Variants in PDSS2 observed in about 807,000 individuals in gnomAD.
PDSS2 encodes the protein decaprenyl diphosphate synthase subunit 2, also known as all trans-polyprenyl-diphosphate synthase PDSS2.
A neutral mutation model predicts 44.5 loss-of-function variants in PDSS2; 31 were observed. The ratio of observed to expected loss-of-function variants is 0.70; its 90% confidence interval spans 0.52 to 0.94. The LOEUF (loss-of-function observed/expected upper bound fraction) is 0.94, where lower values mean the gene tolerates loss of function less well. PDSS2 is among the 40% of genes least tolerant of loss of function. PDSS2 has a pLI of 0.00. For synonymous variants in PDSS2, 157 were observed against 180.3 expected, an observed-to-expected ratio of 0.87 and a Z score of 1.03; for missense variants, 452 against 482.2, an observed-to-expected ratio of 0.94 and a Z score of 0.59.
chr6:107,351,388 C>G (rs1367990461), intron 1 of PDSS2, among the ~76,000 whole-genome samples: 2 of 152,134 alleles, frequency 1.3e-5, no homozygotes, highest in Non-Finnish European at 1.5e-5. Flanking sequence ...ATTTAAGGAT[C>G]AGGTGAATAT....
chr6:107,364,420 C>T (rs1387609302), intron 1 of PDSS2, among the ~76,000 whole-genome samples: 10 of 152,358 alleles, frequency 6.6e-5, no homozygotes, highest in Non-Finnish European at 1.0e-4. Flanking sequence ...GGCGAGAAAT[C>T]GAGCACAGCG....
intron 1 of PDSS2, among the ~76,000 whole-genome samples, chr6:107,426,508 T>C (rs1010522921): frequency 3.3e-5 from 5 of 152,178 alleles, no homozygotes; most frequent in African/African-American, 9.7e-5. Context: ...CACCGTTTAG[T>C]GGAGCTGTGA....
intron 7 of PDSS2, among the ~76,000 whole-genome samples, chr6:107,193,359 A>G (rs945436808): frequency 6.6e-6 from 1 of 152,182 alleles, no homozygotes; most frequent in Non-Finnish European, 1.5e-5. Context: ...CCTGCCTTTG[A>G]GAGCTCAAGT....
chr6:107,454,687 C>T lies in PDSS2; in HGVS notation c.296+4303G>A, dbSNP rs17068222. Among the ~76,000 whole-genome samples the T allele has an allele frequency of 8.9e-3, 1,349 of 151,392 alleles. 51 individuals are homozygous for T. The East Asian group carries it at 0.12, about 13-fold the overall frequency. On this transcript the variant is annotated intron_variant, in intron 1 of 7. Transcript: ENST00000369037. Reference sequence around the variant, plus strand: ...CTAACAAAGTCACCATTCACGTAAACTTTAGGGCTATTAGACATGATTCAC... The same window carrying T: ...CTAACAAAGTCACCATTCACGTAAATTTTAGGGCTATTAGACATGATTCAC...
intron 4 of PDSS2, among the ~76,000 whole-genome samples, chr6:107,228,897 T>C (rs943693960): frequency 7.2e-5 from 11 of 152,152 alleles, no homozygotes; most frequent in Non-Finnish European, 1.6e-4. Flanking sequence ...TCAAAGTCTT[T>C]ATTTGTGAGT....
At chr6:107,236,637 G>T (rs1774235312) in intron 4 of PDSS2, among the ~76,000 whole-genome samples, 1 of 152,134 alleles carries the variant, frequency 6.6e-6, no homozygotes, top group Non-Finnish European at 1.5e-5. Context: ...TTACTTCTAT[G>T]TGAAGGAAGC....
At chr6:107,296,593 G>A (rs781251336) in intron 2 of PDSS2, among the ~76,000 whole-genome samples, 1 of 152,116 alleles carries the variant, frequency 6.6e-6, no homozygotes, top group Non-Finnish European at 1.5e-5. Flanking sequence ...TGGGCGTGGT[G>A]GCAGGAGCCT....
chr6:107,172,997 A>T (rs1771638444), intron 7 of PDSS2, among the ~76,000 whole-genome samples: 1 of 151,612 alleles, frequency 6.6e-6, no homozygotes, highest in Non-Finnish European at 1.5e-5. Flanking sequence ...GGTGGCGTGC[A>T]CCTGTTGTCC....
rs60840656 is a variant in PDSS2, at chr6:107,155,877, CTTTTTTTTTTT to C, written c.1042-1111_1042-1101del. The stretch of plus-strand genomic sequence containing the variant: ...ACAGGCATGAGCCACCTTGCCCGGC[CTTTTTTTTTTT>C]TTTTTTTTTTTTTTTTTTTGAGACA... On this transcript the variant is annotated intron_variant, in intron 7 of 7. Coordinates refer to ENST00000369037, the MANE Select transcript of PDSS2 (RefSeq NM_020381.4). Among the ~76,000 whole-genome samples, 60 of 51,668 alleles carry C rather than the reference CTTTTTTTTTTT, an allele frequency of 1.2e-3. 1 individual carries two copies. Among genetic ancestry groups the C allele is most frequent in the African/African-American group, 4.0e-3 (51 of 12,756 alleles). The allele number at this position is 51,668 out of a possible 152,430, so 33.9% of individuals were successfully genotyped here. A position where few individuals can be genotyped will look rare whatever the true frequency, so the allele number is the denominator to read the frequency against.
intron 1 of PDSS2, among the ~76,000 whole-genome samples, chr6:107,443,691 C>T (rs1254046236): frequency 6.6e-6 from 1 of 152,170 alleles, no homozygotes; most frequent in Non-Finnish European, 1.5e-5. Context: ...TACAATTTTT[C>T]CTAGACTTTG....
chr6:107,308,703 G>A (rs569772631), intron 2 of PDSS2, among the ~76,000 whole-genome samples: 4 of 152,160 alleles, frequency 2.6e-5, no homozygotes, highest in Non-Finnish European at 5.9e-5. Flanking sequence ...CTGAATGCAA[G>A]GACGTTGCTG....
At chr6:107,403,760 A>G (rs1461584406) in intron 1 of PDSS2, among the ~76,000 whole-genome samples, 1 of 152,104 alleles carries the variant, frequency 6.6e-6, no homozygotes, top group East Asian at 1.9e-4. Flanking sequence ...GCAGGGCACC[A>G]TTTCCACCAA....
chr6:107,450,847 T>C (rs529793974), intron 1 of PDSS2, among the ~76,000 whole-genome samples: 59 of 152,326 alleles, frequency 3.9e-4, no homozygotes, highest in East Asian at 2.5e-3. Context: ...AACTGATTGA[T>C]TGAGACAGGG....
At chr6:107,424,203 G>A (rs778529324) in intron 1 of PDSS2, among the ~76,000 whole-genome samples, 74 of 151,462 alleles carry the variant, frequency 4.9e-4, no homozygotes, top group Admixed American at 9.2e-4. Context: ...TACCACATCC[G>A]GCTAATTTCT....
At chr6:107,301,044 G>A (rs1776677456) in intron 2 of PDSS2, among the ~76,000 whole-genome samples, 1 of 152,144 alleles carries the variant, frequency 6.6e-6, no homozygotes, top group Non-Finnish European at 1.5e-5. Context: ...TTTGAAATAA[G>A]CACTCATGGA....
chr6:107,240,091 T>G (rs1774368200), intron 4 of PDSS2, among the ~76,000 whole-genome samples: 1 of 152,108 alleles, frequency 6.6e-6, no homozygotes. Context: ...ACAGCTTAAC[T>G]GGGGAACTCT....
At chr6:107,217,562 A>C (rs78028252) in intron 4 of PDSS2, among the ~76,000 whole-genome samples, 8 of 151,862 alleles carry the variant, frequency 5.3e-5, no homozygotes, top group South Asian at 2.1e-4. Flanking sequence ...AAAAAAAAAA[A>C]CTCTCAGCTT....
intron 4 of PDSS2, among the ~76,000 whole-genome samples, chr6:107,232,153 A>T (rs1427959684): frequency 2.0e-5 from 3 of 152,162 alleles, no homozygotes; most frequent in Non-Finnish European, 4.4e-5. Context: ...CAGAGTAATA[A>T]CTAAAACAGA....
chr6:107,409,522 G>T (rs1780425460), intron 1 of PDSS2, among the ~76,000 whole-genome samples: 1 of 152,042 alleles, frequency 6.6e-6, no homozygotes, highest in Non-Finnish European at 1.5e-5. Context: ...TCTTTCCCTT[G>T]TCACAAAAAG....
Sources: gnomAD v4.1 joint callset for allele counts (sites outside exome capture counted in the v4.1 genomes callset) on GRCh38, gnomAD v4.1.1 for gene constraint, MANE v1.5 for transcripts, NCBI Gene and HGNC (gene_info 2026-07-23, HGNC 2026-07-21) for gene names.